LEKR1: variants seen among roughly 807,000 people sequenced by gnomAD.
LEKR1 encodes leucine, glutamate and lysine rich 1, also known as protein LEKR1.
A neutral mutation model predicts 72.4 loss-of-function variants in LEKR1; 59 were observed. The observed-to-expected ratio is 0.82, with a 90% CI of 0.66 to 1.01. LEKR1 has a LOEUF of 1.01. Among genes scored for constraint, LEKR1 ranks in the 50% least tolerant of loss-of-function variants. LEKR1 has a pLI of 0.00. For synonymous variants in LEKR1, 257 were observed against 263.2 expected, an observed-to-expected ratio of 0.98 and a Z score of 0.23; for missense variants, 728 against 759.2, an observed-to-expected ratio of 0.96 and a Z score of 0.48.
At chr3:156,965,258 T>C (rs1246962909) in intron 6 of LEKR1, among the ~76,000 whole-genome samples, 2 of 152,104 alleles carry the variant, frequency 1.3e-5, no homozygotes, top group Admixed American at 6.6e-5. Flanking sequence ...AAAATTCCTT[T>C]CTTATCCTTT....
At chr3:157,031,874 G>T (rs1053440202) in intron 12 of LEKR1, among the ~76,000 whole-genome samples, 26 of 152,110 alleles carry the variant, frequency 1.7e-4, no homozygotes, top group Admixed American at 4.6e-4. Flanking sequence ...GCCTCTAAAG[G>T]GCAAAATGGG....
chr3:156,852,726 C>A, intron 2 of LEKR1, 42 bp from the exon 3 acceptor site: 1 of 1,061,940 alleles, frequency 9.4e-7, no homozygotes, highest in Non-Finnish European at 1.3e-6. Context: ...CTTGTTTTTT[C>A]AGAATTAAAA....
At chr3:156,876,513 A>G (rs1367674872) in intron 3 of LEKR1, among the ~76,000 whole-genome samples, 4 of 152,078 alleles carry the variant, frequency 2.6e-5, no homozygotes, top group Admixed American at 2.6e-4. Flanking sequence ...AGTGTTTTGT[A>G]GTTTTCCTTG....
At chr3:156,987,726 G>A (rs1730819317) in intron 7 of LEKR1, among the ~76,000 whole-genome samples, 1 of 152,156 alleles carries the variant, frequency 6.6e-6, no homozygotes, top group Admixed American at 6.5e-5. Context: ...ACACCTACAT[G>A]TAATGTGATA....
intron 3 of LEKR1, among the ~76,000 whole-genome samples, chr3:156,878,046 G>T (rs1036345667): frequency 1.3e-5 from 2 of 151,968 alleles, no homozygotes; most frequent in East Asian, 1.9e-4. Context: ...CTCCCAAAAT[G>T]TTGGGATTAC....
At chr3:156,828,307 CG>C (rs1245501913) in intron 1 of LEKR1, among the ~76,000 whole-genome samples, 3 of 152,178 alleles carry the variant, frequency 2.0e-5, no homozygotes, top group African/African-American at 2.4e-5. Context: ...GCTGTATGGC[CG>C]GGGTTGCTCT....
chr3:157,030,012 T>C (rs1202964477), intron 12 of LEKR1, among the ~76,000 whole-genome samples: 1 of 152,142 alleles, frequency 6.6e-6, no homozygotes, highest in Non-Finnish European at 1.5e-5. Context: ...CTGGATAATT[T>C]ATAAAGAAAA....
At chr3:156,972,111 A>C (rs1426966606) in intron 6 of LEKR1, among the ~76,000 whole-genome samples, 5 of 152,202 alleles carry the variant, frequency 3.3e-5, no homozygotes, top group Non-Finnish European at 7.3e-5. Context: ...ACTATTATAG[A>C]CTGGATTAAG....
intron 6 of LEKR1, among the ~76,000 whole-genome samples, chr3:156,964,318 A>C (rs1027750673): frequency 6.6e-6 from 1 of 152,026 alleles, no homozygotes; most frequent in Non-Finnish European, 1.5e-5. Flanking sequence ...AAAAATATTC[A>C]TAGTATTCTG....
At chr3:156,950,660 C>CT (rs1187297357) in intron 6 of LEKR1, among the ~76,000 whole-genome samples, 15 of 150,980 alleles carry the variant, frequency 9.9e-5, no homozygotes, top group Admixed American at 8.6e-4. Flanking sequence ...CCTGATATGG[C>CT]TTTTGGCTTG....
intron 6 of LEKR1, among the ~76,000 whole-genome samples, chr3:156,963,637 ATAATC>A (rs137952831): frequency 0.031 from 4,694 of 152,210 alleles, 117 homozygotes; most frequent in Non-Finnish European, 0.049. Context: ...ATTTCCTACT[ATAATC>A]TAAATAGCAG....
At chr3:157,009,479 G>A (rs531337865) in intron 9 of LEKR1, among the ~76,000 whole-genome samples, 1 of 152,048 alleles carries the variant, frequency 6.6e-6, no homozygotes, top group African/African-American at 2.4e-5. Context: ...TGTCCTAGAA[G>A]TGGTCAATTC....
intron 12 of LEKR1, among the ~76,000 whole-genome samples, chr3:157,033,387 A>G (rs1012045531): frequency 3.9e-5 from 6 of 152,244 alleles, no homozygotes; most frequent in Non-Finnish European, 8.8e-5. Context: ...CAGTGAATAC[A>G]TGAATGATAA....
At position 156,869,871 on chromosome 3, in the gene LEKR1, G is replaced by A. The variant is rs540578422; in HGVS notation, c.263+16889G>A. On this transcript the variant is annotated intron_variant, in intron 3 of 12. Transcript: ENST00000356539. Reference sequence around the variant, plus strand: ...CACTTAAGTCTTTAGTCCATCCTGAGTTGATTTCTGTATATGGTGAGAGAG... The same window carrying A: ...CACTTAAGTCTTTAGTCCATCCTGAATTGATTTCTGTATATGGTGAGAGAG... 2.6e-5 allele frequency among the ~76,000 whole-genome samples: 4 copies of A among 152,058 alleles called. No individual in the cohort carries two copies. In the South Asian group the frequency reaches 6.2e-4, roughly 24 times the overall value.
intron 3 of LEKR1, among the ~76,000 whole-genome samples, chr3:156,914,559 A>G (rs1223194563): frequency 6.6e-6 from 1 of 152,066 alleles, no homozygotes; most frequent in African/African-American, 2.4e-5. Flanking sequence ...TATCCAGTTT[A>G]TCATTGATGG....
At chr3:156,990,938 G>A (rs1450302216) in intron 7 of LEKR1, among the ~76,000 whole-genome samples, 1 of 152,110 alleles carries the variant, frequency 6.6e-6, no homozygotes, top group Non-Finnish European at 1.5e-5. Flanking sequence ...CTTGATTGTA[G>A]TGATGGCTTC....
intron 2 of LEKR1, chr3:156,852,178 G>A (rs1287351673): frequency 1.3e-5 from 2 of 152,182 alleles, no homozygotes; most frequent in African/African-American, 4.8e-5. Flanking sequence ...AAAAAAGTCT[G>A]TAAAATGGGT....
At chr3:156,966,564 G>A (rs1288413841) in intron 6 of LEKR1, among the ~76,000 whole-genome samples, 2 of 152,206 alleles carry the variant, frequency 1.3e-5, no homozygotes, top group African/African-American at 4.8e-5. Context: ...ACTGCAAGGT[G>A]GCAGTGAGGC....
chr3:156,829,476 G>T, intron 2 of LEKR1, 99 bp downstream of exon 2: 1 of 738,302 alleles, frequency 1.4e-6, no homozygotes, highest in Non-Finnish European at 2.2e-6. Context: ...TTGGTCATAG[G>T]ATCTGAATGA....
Sources: gnomAD v4.1 joint callset for allele counts (sites outside exome capture counted in the v4.1 genomes callset) on GRCh38, gnomAD v4.1.1 for gene constraint, MANE v1.5 for transcripts, NCBI Gene and HGNC (gene_info 2026-07-23, HGNC 2026-07-21) for gene names.